Variants in DSG1 observed in about 807,000 individuals in gnomAD.
The protein encoded by DSG1 is desmoglein-1.
DSG1 carries 39 observed loss-of-function variants against 97.5 expected under a neutral mutation model. The observed-to-expected ratio is 0.40, with a 90% CI of 0.31 to 0.52. The LOEUF is 0.52. Among genes scored for constraint, DSG1 ranks in the 20% least tolerant of loss-of-function variants. The pLI, the probability that DSG1 is intolerant of heterozygous loss-of-function variation, is 0.53. For synonymous variants in DSG1, 475 were observed against 443.4 expected (o/e 1.07, Z -0.90); for missense variants, 1,311 against 1,295.4 (o/e 1.01, Z -0.18).
chr18:31,355,485 A>G lies in DSG1; in HGVS notation c.*139A>G. ...GCAAGGTGAGAAATCACAATGAGAA[A>G]AATAAATGGAAACACCACTGCTAGG... On this transcript the variant is annotated 3_prime_UTR_variant, in exon 15 of 15. Transcript: ENST00000257192. 1 of 838,292 alleles carries G rather than the reference A, an allele frequency of 1.2e-6. No individual in the cohort carries two copies. Among genetic ancestry groups the G allele is most frequent in the Non-Finnish European group, 1.9e-6 (1 of 518,220 alleles). 51.9% of individuals were successfully genotyped at this position (838,292 alleles called of 1,614,324 possible). A position where few individuals can be genotyped will look rare whatever the true frequency, so the allele number is the denominator to read the frequency against.
intron 14 of DSG1, chr18:31,354,060 G>C (rs963390586): frequency 2.0e-6 from 1 of 506,506 alleles, no homozygotes; most frequent in Non-Finnish European, 3.5e-6. Flanking sequence ...TTATAAATAA[G>C]TCCATCTAAG....
chr18:31,355,509 G>C lies in DSG1; in HGVS notation c.*163G>C. The C allele has an allele frequency of 1.4e-6, 1 of 725,914 alleles. No homozygotes were observed. The highest frequency in any genetic ancestry group is 2.3e-6 in the Non-Finnish European group (1 of 426,786). The allele number at this position is 725,914 out of a possible 1,614,324, so 45.0% of individuals were successfully genotyped here. A position where few individuals can be genotyped will look rare whatever the true frequency, so the allele number is the denominator to read the frequency against. ...AAAATAAATGGAAACACCACTGCTA[G>C]GGGAGAGCTCTCCTTAGCATTCATA... is the stretch of plus-strand genomic sequence containing the variant. On this transcript the variant is annotated 3_prime_UTR_variant, in exon 15 of 15. Coordinates refer to ENST00000257192, the MANE Select transcript of DSG1 (RefSeq NM_001942.4).
Position 31,319,752 on chromosome 18 carries a change from CTTAT to C in DSG1, c.48+1407_48+1410del, listed in dbSNP as rs199805497. 3.7e-3 allele frequency among the ~76,000 whole-genome samples: 566 copies of C among 152,152 alleles called. 5 individuals carry two copies. The highest frequency in any genetic ancestry group is 0.012 in the African/African-American group (519 of 41,524). The stretch of plus-strand genomic sequence containing the variant: ...CTTTCATAGAATCTCTAAGATGTGC[CTTAT>C]TTGTTGATTTATTTATTTCAAATTA... On this transcript the variant is annotated intron_variant, in intron 1 of 14. Coordinates refer to ENST00000257192, the MANE Select transcript of DSG1 (RefSeq NM_001942.4).
chr18:31,347,565 G>T (rs1292695344), intron 14 of DSG1: 1 of 152,156 alleles, frequency 6.6e-6, no homozygotes, highest in East Asian at 1.9e-4. Context: ...TATATGAATG[G>T]CACAATGAGT....
intron 1 of DSG1, 40 bp downstream of exon 1, chr18:31,318,388 A>G (rs2071633382): frequency 1.3e-6 from 2 of 1,564,568 alleles, no homozygotes; most frequent in Non-Finnish European, 1.8e-6. Context: ...AATCGTGCCC[A>G]TTGTAAACAA....
chr18:31,351,849 G>C (rs2071899680), intron 14 of DSG1, among the ~76,000 whole-genome samples: 1 of 151,590 alleles, frequency 6.6e-6, no homozygotes, highest in South Asian at 2.1e-4. Context: ...CTTTTATTTT[G>C]AGCCTATGTG....
chr18:31,342,145 G>A (rs1459815988), intron 11 of DSG1, among the ~76,000 whole-genome samples: 1 of 152,074 alleles, frequency 6.6e-6, no homozygotes, highest in African/African-American at 2.4e-5. Flanking sequence ...TATTGGCCAG[G>A]ATGATCTCGA....
chr18:31,352,478 G>A (rs1282402786), intron 14 of DSG1, among the ~76,000 whole-genome samples: 1 of 150,332 alleles, frequency 6.7e-6, no homozygotes, highest in Non-Finnish European at 1.5e-5. Context: ...GAGTATCTTT[G>A]TGGCATTCTC....
Position 31,355,418 on chromosome 18 carries a change from T to G in DSG1, c.*72T>G. 6.9e-7 allele frequency: 1 copy of G among 1,459,010 alleles called. No individual in the cohort carries two copies. The allele number at this position is 1,459,010 out of a possible 1,614,324, so 90.4% of individuals were successfully genotyped here. The stretch of plus-strand genomic sequence containing the variant: ...ATTCCCACCACTAAAAAACCAACAA[T>G]GTGATTTATAACGCACAACTTCGTG... On this transcript the variant is annotated 3_prime_UTR_variant, in exon 15 of 15. Coordinates refer to ENST00000257192, the MANE Select transcript of DSG1 (RefSeq NM_001942.4).
Position 31,346,201 on chromosome 18 carries a change from A to G in DSG1, c.2100+3A>G. On this transcript the variant is annotated splice_donor_region_variant and intron_variant, in intron 14 of 14. Coordinates refer to ENST00000257192, the MANE Select transcript of DSG1 (RefSeq NM_001942.4). ...TCATGGAAAGCTACTTCTGTCAGGT[A>G]AGGTCCCTAGCCACATGCCTTTCTC... 6.2e-7 allele frequency: 1 copy of G among 1,612,124 alleles called. No homozygotes were observed. Among genetic ancestry groups the G allele is most frequent in the African/African-American group, 1.3e-5 (1 of 74,990 alleles).
At chr18:31,344,253 G>C (rs960673110) in intron 13 of DSG1, among the ~76,000 whole-genome samples, 6 of 152,068 alleles carry the variant, frequency 3.9e-5, no homozygotes, top group Non-Finnish European at 8.8e-5. Context: ...TATATATGCA[G>C]AAGTACTGAA....
At chr18:31,344,083 T>C in intron 13 of DSG1, 88 bp downstream of exon 13, 2 of 1,007,778 alleles carry the variant, frequency 2.0e-6, no homozygotes, top group Non-Finnish European at 3.0e-6. Flanking sequence ...AATTATCTTA[T>C]TTTTCTTCAA....
At chr18:31,332,014 ATT>A in intron 6 of DSG1, 147 bp downstream of exon 6, 1 of 734,546 alleles carries the variant, frequency 1.4e-6, no homozygotes, top group Non-Finnish European at 2.2e-6. Context: ...TGTAAGAAAT[ATT>A]TTTTAAATGA....
Position 31,318,243 on chromosome 18 carries a change from G to T in DSG1, c.-58G>T, listed in dbSNP as rs2071632065. 1 of 1,451,564 alleles carries T rather than the reference G, an allele frequency of 6.9e-7. No individual in the cohort carries two copies. Among genetic ancestry groups the T allele is most frequent in the Admixed American group, 1.7e-5 (1 of 59,796 alleles). The allele number at this position is 1,451,564 out of a possible 1,614,324, so 89.9% of individuals were successfully genotyped here. On this transcript the variant is annotated 5_prime_UTR_variant, in exon 1 of 15. Transcript: ENST00000257192. ...ACCAGCTGAGTGGGAGAAAGAAAAA[G>T]AACAGAGAAGAACAAACAAAACTCC...
chr18:31,350,684 G>A (rs1450179610), intron 14 of DSG1, among the ~76,000 whole-genome samples: 1 of 147,884 alleles, frequency 6.8e-6, no homozygotes, highest in African/African-American at 2.5e-5. Flanking sequence ...ACTTCTACCT[G>A]GTTTAGTCTT....
At chr18:31,346,869 A>AG (rs1356751713) in intron 14 of DSG1, among the ~76,000 whole-genome samples, 2 of 152,184 alleles carry the variant, frequency 1.3e-5, no homozygotes, top group African/African-American at 4.8e-5. Flanking sequence ...CTAGACATAG[A>AG]GGCAATAGTT....
At chr18:31,324,504 T>G (rs2071674111) in intron 1 of DSG1, among the ~76,000 whole-genome samples, 1 of 152,188 alleles carries the variant, frequency 6.6e-6, no homozygotes, top group Admixed American at 6.5e-5. Flanking sequence ...GATCCATGTT[T>G]CCAATTGCTG....
chr18:31,334,273 G>C, intron 8 of DSG1, 71 bp downstream of exon 8: 1 of 1,121,474 alleles, frequency 8.9e-7, no homozygotes, highest in Non-Finnish European at 1.3e-6. Context: ...AAAATAAAAT[G>C]ATGCTAACAT....
Position 31,355,476 on chromosome 18 carries a change from C to T in DSG1, c.*130C>T. The T allele has an allele frequency of 3.3e-6, 3 of 914,466 alleles. No individual in the cohort carries two copies. Among genetic ancestry groups the T allele is most frequent in the Non-Finnish European group, 5.1e-6 (3 of 584,808 alleles). 56.6% of individuals were successfully genotyped at this position (914,466 alleles called of 1,614,324 possible). ...CATCTAGGAGCAAGGTGAGAAATCA[C>T]AATGAGAAAAATAAATGGAAACACC... On this transcript the variant is annotated 3_prime_UTR_variant, in exon 15 of 15. Transcript: ENST00000257192.
Sources: gnomAD v4.1 joint callset for allele counts (sites outside exome capture counted in the v4.1 genomes callset) on GRCh38, gnomAD v4.1.1 for gene constraint, MANE v1.5 for transcripts, NCBI Gene and HGNC (gene_info 2026-07-23, HGNC 2026-07-21) for gene names.